The following RBMS1 variants were observed in gnomAD, a reference collection of about 807,000 sequenced individuals.
RBMS1 encodes RNA-binding motif, single-stranded-interacting protein 1.
RBMS1 carries 17 observed loss-of-function variants against 62.3 expected under a neutral mutation model. That is an observed-to-expected ratio of 0.27 (90% CI 0.19 to 0.41). RBMS1 has a LOEUF of 0.41. RBMS1 is among the 10% of genes least tolerant of loss of function. The pLI, the probability that RBMS1 is intolerant of heterozygous loss-of-function variation, is 1.00. For missense variants in RBMS1, 334 were observed against 504.5 expected (o/e 0.66, Z 3.24); for synonymous variants, 172 against 170.0 (o/e 1.01, Z -0.09).
intron 2 of RBMS1, among the ~76,000 whole-genome samples, chr2:160,342,609 A>G (rs1387519741): frequency 6.6e-6 from 1 of 151,960 alleles, no homozygotes; most frequent in Non-Finnish European, 1.5e-5. Flanking sequence ...GGGATGTCCA[A>G]ATGATATGTG....
intron 1 of RBMS1, among the ~76,000 whole-genome samples, chr2:160,461,794 A>G (rs975334118): frequency 3.3e-5 from 5 of 152,236 alleles, no homozygotes; most frequent in African/African-American, 1.2e-4. Flanking sequence ...CATTTCCAGT[A>G]GAAAATAATA....
At position 160,303,479 on chromosome 2, in the gene RBMS1, T is replaced by G; in HGVS notation, c.411A>C (p.Glu137Asp). 1 of 1,607,540 alleles carries G rather than the reference T, an allele frequency of 6.2e-7. No individual in the cohort carries two copies. The highest frequency in any genetic ancestry group is 1.1e-5 in the South Asian group (1 of 89,686). The change falls in exon 5 of 14, where the codon GAA becomes GAC. Residue 137 changes from glutamate to aspartate, a missense_variant. This residue lies in a region of RBMS1 where 150 missense variants were observed against 228.0 expected (regional missense o/e 0.66). Transcript: ENST00000348849. ...AAATGTAGAGGTTGGTAGGATCTTG[T>G]TCCTGTTGCTAAAACAGAAGAGAGT... ...GVQAQMAKQQ[E>D]QDPTNLYISN...
rs1412495192 is a variant in RBMS1, at chr2:160,274,557, C to A, written c.*215G>T. The A allele has an allele frequency of 7.4e-6, 1 of 135,066 alleles. No individual in the cohort carries two copies. Among genetic ancestry groups the A allele is most frequent in the Admixed American group, 8.2e-5 (1 of 12,132 alleles). 8.4% of individuals were successfully genotyped at this position (135,066 alleles called of 1,614,324 possible). A position where few individuals can be genotyped will look rare whatever the true frequency, so the allele number is the denominator to read the frequency against. Reference sequence around the variant, plus strand: ...TTTTTTTTACTAAAATAAACCTGTTCGGGGGAACAGCTACTAGATGAATTT... The same window carrying A: ...TTTTTTTTACTAAAATAAACCTGTTAGGGGGAACAGCTACTAGATGAATTT... On this transcript the variant is annotated 3_prime_UTR_variant, in exon 14 of 14. Transcript: ENST00000348849.
intron 2 of RBMS1, among the ~76,000 whole-genome samples, chr2:160,337,135 C>CTTTTTTTTTTT (rs768216149): frequency 1.5e-5 from 2 of 136,400 alleles, no homozygotes; most frequent in South Asian, 2.3e-4. Context: ...TTTTTCTTTT[C>CTTTTTTTTTTT]TTTTTTTTTT....
At chr2:160,482,932 C>T (rs1472201675) in intron 1 of RBMS1, among the ~76,000 whole-genome samples, 1 of 152,106 alleles carries the variant, frequency 6.6e-6, no homozygotes, top group Non-Finnish European at 1.5e-5. Context: ...ATTTTGAAGG[C>T]TCAAAGGATG....
chr2:160,471,716 T>TATATATATATATATATAA (rs371634389), intron 1 of RBMS1, among the ~76,000 whole-genome samples: 1,385 of 75,810 alleles, frequency 0.018, 80 homozygotes, highest in Admixed American at 0.026. Context: ...TATATATATA[T>TATATATATATATATATAA]AACCTTTCAT....
chr2:160,365,924 G>A (rs1425445167), intron 2 of RBMS1, among the ~76,000 whole-genome samples: 1 of 152,216 alleles, frequency 6.6e-6, no homozygotes, highest in Non-Finnish European at 1.5e-5. Flanking sequence ...CCTCCAGCCA[G>A]CAATGACAAA....
intron 1 of RBMS1, among the ~76,000 whole-genome samples, chr2:160,423,794 T>C (rs1420068764): frequency 6.6e-6 from 1 of 152,142 alleles, no homozygotes; most frequent in Non-Finnish European, 1.5e-5. Flanking sequence ...CTGTGTCCCC[T>C]GGTTGGCCTT....
At chr2:160,361,854 A>G (rs1693149356) in intron 2 of RBMS1, among the ~76,000 whole-genome samples, 1 of 152,318 alleles carries the variant, frequency 6.6e-6, no homozygotes, top group South Asian at 2.1e-4. Flanking sequence ...ATTATAAAAA[A>G]GTGTTAACAA....
chr2:160,438,718 T>G (rs1229459087), intron 1 of RBMS1, among the ~76,000 whole-genome samples: 6 of 152,228 alleles, frequency 3.9e-5, no homozygotes, highest in African/African-American at 1.4e-4. Context: ...CTTTCCCCCC[T>G]TTCTATTCCA....
chr2:160,412,508 A>G (rs898739574), intron 1 of RBMS1, among the ~76,000 whole-genome samples: 4 of 152,194 alleles, frequency 2.6e-5, no homozygotes, highest in Non-Finnish European at 5.9e-5. Context: ...TATGCTCTCT[A>G]AAACTCTGTA....
At chr2:160,310,777 A>C (rs1453419855) in intron 4 of RBMS1, among the ~76,000 whole-genome samples, 1 of 152,116 alleles carries the variant, frequency 6.6e-6, no homozygotes, top group Non-Finnish European at 1.5e-5. Flanking sequence ...AACATTCTGC[A>C]AATCATTATG....
chr2:160,289,103 C>T (rs1688552070), intron 6 of RBMS1, among the ~76,000 whole-genome samples: 1 of 151,804 alleles, frequency 6.6e-6, no homozygotes, highest in Admixed American at 6.6e-5. Context: ...TAGACTCCAG[C>T]CTGTCAAAGA....
In RBMS1 at chr2:160,466,467, G is replaced by A. The variant is rs78587253; in HGVS notation, c.75+26822C>T. 5.2e-4 allele frequency among the ~76,000 whole-genome samples: 79 copies of A among 152,230 alleles called. 1 individual carries two copies. The East Asian group carries it at 0.013, about 25-fold the overall frequency. Reference sequence around the variant, plus strand: ...CAAGCAGATGTCAGGCTAATTTTAAGATTTTTAAATTTGAGAATTGGAACA... The same window carrying A: ...CAAGCAGATGTCAGGCTAATTTTAAAATTTTTAAATTTGAGAATTGGAACA... On this transcript the variant is annotated intron_variant, in intron 1 of 13. Transcript: ENST00000348849.
At position 160,426,218 on chromosome 2, in the gene RBMS1, G is replaced by GAAGAAAGAAAGAAAGAAAGA. The variant is rs57929883; in HGVS notation, c.76-58847_76-58828dup. Among the ~76,000 whole-genome samples, 101 of 48,726 alleles carry GAAGAAAGAAAGAAAGAAAGA rather than the reference G, an allele frequency of 2.1e-3. 3 individuals carry two copies. Among genetic ancestry groups the GAAGAAAGAAAGAAAGAAAGA allele is most frequent in the East Asian group, 8.6e-3 (14 of 1,636 alleles). 32.0% of individuals were successfully genotyped at this position (48,726 alleles called of 152,430 possible). A position where few individuals can be genotyped will look rare whatever the true frequency, so the allele number is the denominator to read the frequency against. Reference sequence around the variant, plus strand: ...AGAAAGGAAGAAAGAGAGAGAGACAGAAGAAAGAAAGAAAGAAAGAAAGAA... The same window carrying GAAGAAAGAAAGAAAGAAAGA: ...AGAAAGGAAGAAAGAGAGAGAGACAGAAGAAAGAAAGAAAGAAAGAAAGAAAGAAAGAAAGAAAGAAAGAA... On this transcript the variant is annotated intron_variant, in intron 1 of 13. Coordinates refer to ENST00000348849, the MANE Select transcript of RBMS1 (RefSeq NM_016836.4).
chr2:160,351,975 A>G (rs898718836), intron 2 of RBMS1, among the ~76,000 whole-genome samples: 3 of 152,134 alleles, frequency 2.0e-5, no homozygotes, highest in African/African-American at 7.2e-5. Flanking sequence ...ATAGATATAA[A>G]GTTCAAGGTA....
intron 2 of RBMS1, among the ~76,000 whole-genome samples, chr2:160,359,761 A>G (rs1693022024): frequency 6.6e-6 from 1 of 152,314 alleles, no homozygotes; most frequent in Non-Finnish European, 1.5e-5. Flanking sequence ...AAGGTAGCCT[A>G]ATCATTTTGT....
At chr2:160,308,988 C>A (rs898957263) in intron 4 of RBMS1, among the ~76,000 whole-genome samples, 2 of 152,210 alleles carry the variant, frequency 1.3e-5, no homozygotes, top group African/African-American at 4.8e-5. Context: ...ACTGAAGCCT[C>A]TACATTCTTA....
intron 1 of RBMS1, among the ~76,000 whole-genome samples, chr2:160,383,935 C>T (rs538975854): frequency 1.3e-5 from 2 of 152,188 alleles, no homozygotes; most frequent in Non-Finnish European, 2.9e-5. Context: ...CAGTGGCTCA[C>T]GCCTGTAATC....
Sources: gnomAD v4.1 joint callset for allele counts (sites outside exome capture counted in the v4.1 genomes callset) on GRCh38, gnomAD v4.1.1 for gene constraint, gnomAD v4.1.1 regional missense constraint, MANE v1.5 for transcripts, NCBI Gene and HGNC (gene_info 2026-07-23, HGNC 2026-07-21) for gene names.